The following KAZN variants were observed in gnomAD, a reference collection of about 807,000 sequenced individuals.
KAZN encodes kazrin.
In KAZN, 40 loss-of-function variants were observed where a neutral mutation model predicts 87.4. The ratio of observed to expected loss-of-function variants is 0.46; its 90% CI spans 0.36 to 0.60. The LOEUF (loss-of-function observed/expected upper bound fraction) is 0.60. Ranked by LOEUF, KAZN falls within the 20% of genes least tolerant of loss-of-function variation. KAZN has a pLI of 0.00. For synonymous variants in KAZN, 466 were observed against 458.3 expected (o/e 1.02, Z -0.22); for missense variants, 898 against 1,073.9 (o/e 0.84, Z 2.29).
intron 2 of KAZN, among the ~76,000 whole-genome samples, chr1:14,428,113 T>C (rs571055540): frequency 6.6e-5 from 10 of 152,342 alleles, no homozygotes; most frequent in Non-Finnish European, 1.2e-4. Flanking sequence ...CTGTACATGG[T>C]AGCTCATCTT....
At chr1:14,103,659 A>G (rs1644307486) in intron 1 of KAZN, among the ~76,000 whole-genome samples, 1 of 152,006 alleles carries the variant, frequency 6.6e-6, no homozygotes, top group South Asian at 2.1e-4. Flanking sequence ...CTGCAGATAC[A>G]TCTTCCCCTG....
chr1:14,693,994 G>A (rs1224826390), intron 1 of KAZN, among the ~76,000 whole-genome samples: 1 of 152,214 alleles, frequency 6.6e-6, no homozygotes, highest in African/African-American at 2.4e-5. Flanking sequence ...CGAGGCAGTG[G>A]TGTGGTTTTA....
intron 13 of KAZN, among the ~76,000 whole-genome samples, chr1:15,111,271 T>TTTTTGTTG (rs1553192158): frequency 6.8e-6 from 1 of 147,480 alleles, no homozygotes; most frequent in East Asian, 2.0e-4. Context: ...GTTGTTGTTG[T>TTTTTGTTG]TTGTTGTTGT....
intron 1 of KAZN, among the ~76,000 whole-genome samples, chr1:14,629,937 C>T (rs542062761): frequency 7.2e-5 from 11 of 151,998 alleles, no homozygotes; most frequent in African/African-American, 2.4e-4. Context: ...CCCACCTACC[C>T]GCCCCCCTGC....
chr1:14,478,853 G>A (rs2148386792), intron 2 of KAZN, among the ~76,000 whole-genome samples: 1 of 152,274 alleles, frequency 6.6e-6, no homozygotes, highest in South Asian at 2.1e-4. Flanking sequence ...CAGACCCTGA[G>A]GCAAAGGCTT....
intron 1 of KAZN, among the ~76,000 whole-genome samples, chr1:13,963,641 AT>A (rs1205898153): frequency 1.3e-5 from 2 of 152,196 alleles, no homozygotes; most frequent in Admixed American, 1.3e-4. Flanking sequence ...CTCCCTTAAA[AT>A]TCTATTCATG....
chr1:14,698,947 A>T (rs2148800097), intron 1 of KAZN, among the ~76,000 whole-genome samples: 1 of 152,220 alleles, frequency 6.6e-6, no homozygotes, highest in African/African-American at 2.4e-5. Flanking sequence ...ATCTTCATTG[A>T]TTTGGACTGA....
At chr1:14,362,132 C>G (rs1257785056) in intron 2 of KAZN, among the ~76,000 whole-genome samples, 1 of 152,198 alleles carries the variant, frequency 6.6e-6, no homozygotes, top group Non-Finnish European at 1.5e-5. Flanking sequence ...TCCACCGTCT[C>G]TGTGGGTCTG....
chr1:14,298,987 T>C (rs1654333440), intron 2 of KAZN, among the ~76,000 whole-genome samples: 1 of 152,224 alleles, frequency 6.6e-6, no homozygotes, highest in African/African-American at 2.4e-5. Context: ...GTGTTGCCTG[T>C]GCCGTTAGGA....
intron 2 of KAZN, among the ~76,000 whole-genome samples, chr1:14,527,279 T>C (rs1278629642): frequency 6.6e-6 from 1 of 152,200 alleles, no homozygotes; most frequent in African/African-American, 2.4e-5. Context: ...AGCCGGGCGC[T>C]GTGGCTTACG....
At chr1:14,558,976 T>C (rs1674087275) in intron 2 of KAZN, among the ~76,000 whole-genome samples, 1 of 152,186 alleles carries the variant, frequency 6.6e-6, no homozygotes, top group South Asian at 2.1e-4. Flanking sequence ...TCTCTCTGCC[T>C]CCTCTGCCCT....
intron 1 of KAZN, among the ~76,000 whole-genome samples, chr1:14,849,855 T>C (rs1379968498): frequency 2.0e-5 from 3 of 152,076 alleles, no homozygotes. Context: ...CTCCCCCAGA[T>C]AGCTTAGCAG....
At chr1:14,161,596 A>G (rs896894974) in intron 1 of KAZN, among the ~76,000 whole-genome samples, 6 of 152,342 alleles carry the variant, frequency 3.9e-5, no homozygotes, top group South Asian at 4.1e-4. Context: ...CCAGACGTCA[A>G]ATGGACATTT....
intron 1 of KAZN, among the ~76,000 whole-genome samples, chr1:13,996,854 T>C (rs1281693968): frequency 5.9e-5 from 9 of 151,906 alleles, no homozygotes; most frequent in Admixed American, 5.9e-4. Context: ...AAAGGGACAG[T>C]CAAAGTACTT....
intron 1 of KAZN, among the ~76,000 whole-genome samples, chr1:14,615,495 G>A (rs1348418626): frequency 6.6e-6 from 1 of 152,144 alleles, no homozygotes; most frequent in Non-Finnish European, 1.5e-5. Flanking sequence ...GTGTGGTGGT[G>A]CACACCTGTA....
chr1:14,764,338 C>T (rs1017189842), intron 1 of KAZN, among the ~76,000 whole-genome samples: 11 of 151,570 alleles, frequency 7.3e-5, no homozygotes, highest in Admixed American at 3.9e-4. Context: ...CTCCTGATCA[C>T]GATCACCCTA....
intron 1 of KAZN, among the ~76,000 whole-genome samples, chr1:14,097,055 A>T (rs141621394): frequency 3.2e-4 from 48 of 152,340 alleles, no homozygotes; most frequent in African/African-American, 1.2e-3. Context: ...ATTGTAGAGG[A>T]TAGTGAGAGT....
intron 2 of KAZN, among the ~76,000 whole-genome samples, chr1:14,419,193 T>C (rs952082283): frequency 6.6e-6 from 1 of 152,222 alleles, no homozygotes; most frequent in Non-Finnish European, 1.5e-5. Flanking sequence ...ACATAGTCTT[T>C]GCAGTGACGC....
At chr1:14,004,970 G>A (rs1639973179) in intron 1 of KAZN, among the ~76,000 whole-genome samples, 1 of 151,424 alleles carries the variant, frequency 6.6e-6, no homozygotes, top group African/African-American at 2.5e-5. Context: ...ACCATGGGAT[G>A]CCACAGAGAG....
Sources: gnomAD v4.1 joint callset for allele counts (sites outside exome capture counted in the v4.1 genomes callset) on GRCh38, gnomAD v4.1.1 for gene constraint, MANE v1.5 for transcripts, NCBI Gene and HGNC (gene_info 2026-07-23, HGNC 2026-07-21) for gene names.